DPH6: variants seen among roughly 807,000 people sequenced by gnomAD.
DPH6 encodes diphthine--ammonia ligase.
DPH6 carries 33 observed loss-of-function variants against 38.2 expected under a neutral mutation model. The ratio of observed to expected loss-of-function variants is 0.86; its 90% CI spans 0.65 to 1.15. The LOEUF is 1.15. DPH6 is among the 50% of genes most tolerant of loss of function. The pLI, the probability that DPH6 is intolerant of heterozygous loss-of-function variation, is 0.00. For missense variants in DPH6, 325 were observed against 320.0 expected (o/e 1.02, Z -0.12); for synonymous variants, 108 against 103.0 (o/e 1.05, Z -0.30).
chr15:35,487,571 T>G (rs2054421192), intron 3 of DPH6, among the ~76,000 whole-genome samples: 1 of 152,222 alleles, frequency 6.6e-6, no homozygotes, highest in African/African-American at 2.4e-5. Context: ...GATGCCATGT[T>G]GTGAGGCTGT....
Position 35,436,335 on chromosome 15 carries a change from G to A in DPH6, c.505+14350C>T, listed in dbSNP as rs572438349. 3.0e-3 allele frequency among the ~76,000 whole-genome samples: 458 copies of A among 151,590 alleles called. 2 individuals carry two copies. The highest frequency in any genetic ancestry group is 0.011 in the African/African-American group (434 of 41,130). Reference sequence around the variant, plus strand: ...CAAAAAATTAGCTGGGCGTGGTGGTGGGCGCCTGTACTCCCAGCTACTCGG... The same window carrying A: ...CAAAAAATTAGCTGGGCGTGGTGGTAGGCGCCTGTACTCCCAGCTACTCGG... On this transcript the variant is annotated intron_variant, in intron 5 of 8. Coordinates refer to ENST00000256538, the MANE Select transcript of DPH6 (RefSeq NM_080650.4).
intron 5 of DPH6, among the ~76,000 whole-genome samples, chr15:35,440,392 T>C (rs2053771873): frequency 6.6e-6 from 1 of 152,186 alleles, no homozygotes; most frequent in South Asian, 2.1e-4. Flanking sequence ...CGTTTTGACA[T>C]GTTTTCTAAT....
At chr15:35,319,610 G>C (rs145024327) in intron 3 of DPH6, among the ~76,000 whole-genome samples, 1 of 151,992 alleles carries the variant, frequency 6.6e-6, no homozygotes, top group African/African-American at 2.4e-5. Flanking sequence ...GCGTGTTGGT[G>C]CGTGCCTATA....
At chr15:35,509,468 T>C (rs1308422804) in intron 3 of DPH6, among the ~76,000 whole-genome samples, 1 of 152,228 alleles carries the variant, frequency 6.6e-6, no homozygotes, top group Non-Finnish European at 1.5e-5. Context: ...CATTTCTTAA[T>C]GCTTGCATTT....
At chr15:35,237,321 G>C (rs2051560318) in intron 3 of DPH6, 13 of 1,587,740 alleles carry the variant, frequency 8.2e-6, no homozygotes, top group Middle Eastern at 1.7e-4. Context: ...CAGAGAACGC[G>C]AGAGATGAAG....
intron 6 of DPH6, among the ~76,000 whole-genome samples, chr15:35,398,071 G>A (rs1302936126): frequency 6.6e-6 from 1 of 152,144 alleles, no homozygotes; most frequent in Non-Finnish European, 1.5e-5. Context: ...CTGTGATACT[G>A]TGAAATAGTA....
chr15:35,299,272 C>G, intron 3 of DPH6: 1 of 1,063,526 alleles, frequency 9.4e-7, no homozygotes, highest in South Asian at 1.3e-5. Context: ...GGAGCCACCT[C>G]GTTGTAGGTC....
chr15:35,331,652 G>T (rs1595482755), intron 3 of DPH6, among the ~76,000 whole-genome samples: 1 of 152,270 alleles, frequency 6.6e-6, no homozygotes, highest in Middle Eastern at 3.4e-3. Context: ...AATGAGACAG[G>T]GAAGGAAAAG....
At chr15:35,352,015 C>T (rs2052516434) in intron 3 of DPH6, among the ~76,000 whole-genome samples, 1 of 152,174 alleles carries the variant, frequency 6.6e-6, no homozygotes, top group South Asian at 2.1e-4. Context: ...TCACCTCACA[C>T]AGCCAGATAT....
chr15:35,256,608 G>A (rs2622758), intron 3 of DPH6, among the ~76,000 whole-genome samples: 93,428 of 152,116 alleles, frequency 0.61, 30,134 homozygotes, highest in Non-Finnish European at 0.73. Flanking sequence ...GTATATAATG[G>A]AAAGTACTTC....
At chr15:35,347,456 CCTT>C (rs574132016) in intron 3 of DPH6, among the ~76,000 whole-genome samples, 3 of 149,364 alleles carry the variant, frequency 2.0e-5, no homozygotes, top group African/African-American at 2.5e-5. Flanking sequence ...CCAGCCTCCT[CCTT>C]TTTTTTTTTT....
chr15:35,147,396 G>A, the DPH6 span, among the ~76,000 whole-genome samples: 44 of 152,218 alleles, frequency 2.9e-4, no homozygotes, highest in Admixed American at 7.2e-4. Context: ...CACAGGGAAT[G>A]TAAAAAAATA....
intron 3 of DPH6, among the ~76,000 whole-genome samples, chr15:35,289,487 T>C (rs2051965014): frequency 1.3e-5 from 2 of 152,256 alleles, no homozygotes; most frequent in Non-Finnish European, 1.5e-5. Flanking sequence ...TGGGTAGAAC[T>C]TGCATGCTTA....
At chr15:35,420,368 C>A (rs1393051116) in intron 5 of DPH6, among the ~76,000 whole-genome samples, 1 of 151,896 alleles carries the variant, frequency 6.6e-6, no homozygotes, top group South Asian at 2.1e-4. Context: ...AAATAAACAA[C>A]CTAACATTAT....
intron 3 of DPH6, among the ~76,000 whole-genome samples, chr15:35,357,388 T>C (rs1031052706): frequency 1.3e-5 from 2 of 152,360 alleles, no homozygotes; most frequent in East Asian, 3.9e-4. Context: ...CTGTGAGCTG[T>C]AGACTGGAGC....
intron 3 of DPH6, among the ~76,000 whole-genome samples, chr15:35,272,268 C>CATAACCATATTAAATGGT (rs1424857153): frequency 3.3e-5 from 5 of 152,126 alleles, no homozygotes; most frequent in African/African-American, 1.2e-4. Flanking sequence ...TGTGCAGACA[C>CATAACCATATTAAATGGT]TATGGCCATT....
chr15:35,463,382 T>TACGTAA (rs2054089299), intron 3 of DPH6, among the ~76,000 whole-genome samples: 1 of 152,152 alleles, frequency 6.6e-6, no homozygotes, highest in Non-Finnish European at 1.5e-5. Flanking sequence ...ACAAGTTATA[T>TACGTAA]AAATATTTAT....
chr15:35,441,590 C>T (rs889656192), intron 5 of DPH6, among the ~76,000 whole-genome samples: 2 of 152,106 alleles, frequency 1.3e-5, no homozygotes, highest in African/African-American at 2.4e-5. Flanking sequence ...TGTTCTCACT[C>T]GTAAGTGGGA....
At chr15:35,464,722 T>G (rs1447602393) in intron 3 of DPH6, among the ~76,000 whole-genome samples, 3 of 152,206 alleles carry the variant, frequency 2.0e-5, no homozygotes, top group Admixed American at 6.5e-5. Flanking sequence ...AGTCCTATTC[T>G]AATCACCAAA....
Sources: gnomAD v4.1 joint callset for allele counts (sites outside exome capture counted in the v4.1 genomes callset) on GRCh38, gnomAD v4.1.1 for gene constraint, MANE v1.5 for transcripts, NCBI Gene and HGNC (gene_info 2026-07-23, HGNC 2026-07-21) for gene names.